The following FLNB variants were observed in gnomAD, a reference collection of about 807,000 sequenced individuals.
The protein encoded by FLNB is filamin B.
In FLNB, 111 loss-of-function variants were observed where a neutral mutation model predicts 250.6. That is an observed-to-expected ratio of 0.44 (90% confidence interval 0.38 to 0.52). The LOEUF (loss-of-function observed/expected upper bound fraction) is 0.52. Among genes scored for constraint, FLNB ranks in the 20% least tolerant of loss-of-function variants. The probability of loss-of-function intolerance (pLI) is 0.00; values close to 1 mark genes in which losing one functional copy is unlikely to be tolerated. For missense variants in FLNB, 2,869 were observed against 3,447.8 expected (o/e 0.83, Z 4.20); for synonymous variants, 1,302 against 1,372.1 (o/e 0.95, Z 1.13).
At chr3:58,160,443 C>CA (rs1165111073) in intron 42 of FLNB, among the ~76,000 whole-genome samples, 1 of 152,122 alleles carries the variant, frequency 6.6e-6, no homozygotes, top group Non-Finnish European at 1.5e-5. Context: ...AAGAGTTGCT[C>CA]AAAGTTTAGT....
chr3:58,105,333 C>CAGGAG, intron 11 of FLNB, 117 bp downstream of exon 11: 1 of 1,297,712 alleles, frequency 7.7e-7, no homozygotes, highest in Non-Finnish European at 1.1e-6. Context: ...GCTTCCTGGC[C>CAGGAG]TCCTGGCCAC....
intron 39 of FLNB, 172 bp from the exon 40 acceptor site, chr3:58,154,619 T>C (rs2097350560): frequency 1.6e-6 from 1 of 641,082 alleles, no homozygotes; most frequent in Non-Finnish European, 2.8e-6. Context: ...TAGTGATGCT[T>C]AGGAAACTTC....
chr3:58,020,043 A>G (rs839240), intron 1 of FLNB, among the ~76,000 whole-genome samples: 16,399 of 130,908 alleles, frequency 0.13, 1,694 homozygotes, highest in East Asian at 0.46. Context: ...CCATGACACC[A>G]CAGGGGTGTG....
chr3:58,153,650 T>G lies in FLNB; in HGVS notation c.6634+9T>G, dbSNP rs773724014. On this transcript the variant is annotated intron_variant, in intron 39 of 45. Transcript: ENST00000295956. ...AGAAGCGGGAGTCCCAGGTGAGCAT[T>G]GCGGGCAGGATTTTCACTTGGGAAG... 6.2e-7 allele frequency: 1 copy of G among 1,613,844 alleles called. No homozygotes were observed. The highest frequency in any genetic ancestry group is 8.5e-7 in the Non-Finnish European group (1 of 1,179,928).
chr3:58,081,781 G>C lies in FLNB; in HGVS notation c.787+5G>C. On this transcript the variant is annotated splice_donor_5th_base_variant and intron_variant, in intron 4 of 45. Coordinates refer to ENST00000295956, the MANE Select transcript of FLNB (RefSeq NM_001457.4). Reference sequence around the variant, plus strand: ...AAGCCAGGGCCTATGGCAGAGGTGAGTGCTGGTCCTCTGGTGTTGTATTGG... The same window carrying C: ...AAGCCAGGGCCTATGGCAGAGGTGACTGCTGGTCCTCTGGTGTTGTATTGG... The C allele has an allele frequency of 6.2e-7, 1 of 1,614,178 alleles. No homozygotes were observed. The highest frequency in any genetic ancestry group is 8.5e-7 in the Non-Finnish European group (1 of 1,180,010).
chr3:58,081,389 T>C (rs2097209085), intron 3 of FLNB, among the ~76,000 whole-genome samples: 1 of 152,214 alleles, frequency 6.6e-6, no homozygotes, highest in Admixed American at 6.5e-5. Context: ...AATGAACTTT[T>C]GGAAGTTACA....
intron 4 of FLNB, among the ~76,000 whole-genome samples, chr3:58,085,394 G>T (rs575369714): frequency 3.3e-5 from 5 of 152,246 alleles, no homozygotes; most frequent in African/African-American, 1.2e-4. Flanking sequence ...GGTCTTCTCT[G>T]TGTGACCACA....
intron 1 of FLNB, among the ~76,000 whole-genome samples, chr3:58,034,053 G>A (rs2097134595): frequency 6.6e-6 from 1 of 152,012 alleles, no homozygotes. Context: ...TAGAGACGGG[G>A]TTTCACCATG....
intron 1 of FLNB, among the ~76,000 whole-genome samples, chr3:58,035,964 C>G (rs754960193): frequency 2.6e-5 from 4 of 152,148 alleles, no homozygotes; most frequent in Admixed American, 6.6e-5. Flanking sequence ...TGAGCTCACC[C>G]GGGCTCTTAT....
At chr3:58,079,905 T>C (rs1361677867) in intron 3 of FLNB, among the ~76,000 whole-genome samples, 5 of 152,216 alleles carry the variant, frequency 3.3e-5, no homozygotes, top group Non-Finnish European at 7.3e-5. Flanking sequence ...ACAGGGTCCC[T>C]TGGAAGGTAG....
At chr3:58,150,344 C>G in intron 38 of FLNB, 117 bp downstream of exon 38, 1 of 1,146,018 alleles carries the variant, frequency 8.7e-7, no homozygotes, top group Non-Finnish European at 1.3e-6. Flanking sequence ...GTCGGCTGTG[C>G]TGACCTTTTC....
chr3:58,154,901 G>A lies in FLNB; in HGVS notation c.6745G>A (p.Gly2249Ser), dbSNP rs144963323. ...TFDDHKNGSC[G>S]VSYIAQEPGN... ...CGATGACCATAAAAATGGGTCGTGC[G>A]GTGTATCTTATATTGCCCAAGAGCC... Residue 2249 changes from glycine to serine, a missense_variant, in exon 40 of 46, where the codon GGT (glycine) becomes AGT (serine). Physicochemically the swap from Gly to Ser is moderately conservative, Grantham distance 56. Coordinates refer to ENST00000295956, the MANE Select transcript of FLNB (RefSeq NM_001457.4). 43 of 1,613,950 alleles carry A rather than the reference G, an allele frequency of 2.7e-5. No homozygotes were observed. The African/African-American group carries it at 2.7e-4, about 10-fold the overall frequency.
At chr3:58,080,262 A>C (rs891663304) in intron 3 of FLNB, among the ~76,000 whole-genome samples, 4 of 152,276 alleles carry the variant, frequency 2.6e-5, no homozygotes, top group Admixed American at 2.6e-4. Flanking sequence ...TCTGTTGTTC[A>C]TTGCACATGG....
intron 1 of FLNB, among the ~76,000 whole-genome samples, chr3:58,069,232 C>CTTTTT (rs59689498): frequency 6.8e-4 from 59 of 86,378 alleles, no homozygotes; most frequent in Non-Finnish European, 7.9e-4. Flanking sequence ...TAGTTCAATT[C>CTTTTT]TTTTTTTTTT....
At chr3:58,024,701 C>CTTTTTCT (rs2097120414) in intron 1 of FLNB, among the ~76,000 whole-genome samples, 1 of 83,766 alleles carries the variant, frequency 1.2e-5, no homozygotes, top group African/African-American at 4.5e-5. Flanking sequence ...GCCAAGCCTC[C>CTTTTTCT]TTTTTTTTTT....
intron 1 of FLNB, among the ~76,000 whole-genome samples, chr3:58,018,962 CAAA>C (rs34503609): frequency 1.4e-5 from 1 of 71,402 alleles, no homozygotes. Context: ...CACATCTCTA[CAAA>C]AAAAAAAAAA....
chr3:58,030,299 A>C (rs1037464646), intron 1 of FLNB, among the ~76,000 whole-genome samples: 2 of 152,192 alleles, frequency 1.3e-5, no homozygotes, highest in Non-Finnish European at 2.9e-5. Context: ...ACATAGAAGG[A>C]AAATGATTGG....
chr3:58,152,211 T>G (rs540514887), intron 38 of FLNB, among the ~76,000 whole-genome samples: 390 of 152,332 alleles, frequency 2.6e-3, no homozygotes, highest in Non-Finnish European at 3.8e-3. Context: ...ATTACCCAAA[T>G]GATCCTCTCG....
chr3:58,155,098 G>C (rs2097351319), intron 40 of FLNB, among the ~76,000 whole-genome samples, 170 bp downstream of exon 40: 2 of 152,222 alleles, frequency 1.3e-5, no homozygotes, highest in Non-Finnish European at 2.9e-5. Flanking sequence ...GACCTCTTAA[G>C]GGTGGGAACG....
Sources: gnomAD v4.1 joint callset for allele counts (sites outside exome capture counted in the v4.1 genomes callset) on GRCh38, gnomAD v4.1.1 for gene constraint, MANE v1.5 for transcripts, NCBI Gene and HGNC (gene_info 2026-07-23, HGNC 2026-07-21) for gene names.